Variants in DLC1 observed in about 807,000 individuals in gnomAD.
DLC1 encodes the protein DLC1 Rho GTPase activating protein.
Under a neutral mutation model 140.3 loss-of-function variants are expected in DLC1, and 54 were observed. The ratio of observed to expected loss-of-function variants is 0.38; its 90% CI spans 0.31 to 0.48. The LOEUF is 0.48. DLC1 is among the 20% of genes least tolerant of loss of function. The probability of loss-of-function intolerance (pLI) is 0.96; values close to 1 mark genes in which losing one functional copy is unlikely to be tolerated. For missense variants in DLC1, 2,536 were observed against 1,907.0 expected, an observed-to-expected ratio of 1.33 and a Z score of -6.14; for synonymous variants, 986 against 728.1, an observed-to-expected ratio of 1.35 and a Z score of -5.70.
chr8:13,361,882 G>T (rs7008792), intron 4 of DLC1, among the ~76,000 whole-genome samples: 2 of 152,184 alleles, frequency 1.3e-5, no homozygotes, highest in East Asian at 3.9e-4. Flanking sequence ...GACATTAGGT[G>T]CTGGGCACTG....
intron 1 of DLC1, among the ~76,000 whole-genome samples, chr8:13,564,654 A>G (rs181959207): frequency 6.6e-6 from 1 of 152,188 alleles, no homozygotes; most frequent in African/African-American, 2.4e-5. Context: ...TTCTCCCTCC[A>G]TAGGAAAGGA....
intron 5 of DLC1, 51 bp from the exon 6 acceptor site, chr8:13,115,708 C>T (rs374921864): frequency 6.4e-7 from 1 of 1,555,012 alleles, no homozygotes. Context: ...CCTCGCCATG[C>T]TTATTTTTCC....
intron 5 of DLC1, among the ~76,000 whole-genome samples, chr8:13,195,047 C>G (rs1375103510): frequency 6.6e-6 from 1 of 152,136 alleles, no homozygotes; most frequent in African/African-American, 2.4e-5. Flanking sequence ...AAAAACCAAA[C>G]TCTCCTTTAA....
intron 1 of DLC1, among the ~76,000 whole-genome samples, chr8:13,577,887 T>C (rs980179517): frequency 2.0e-5 from 3 of 152,160 alleles, no homozygotes; most frequent in Non-Finnish European, 2.9e-5. Context: ...TGTTGCTTTA[T>C]TGGATTTAAG....
At chr8:13,469,197 T>C (rs1232026468) in intron 2 of DLC1, among the ~76,000 whole-genome samples, 1 of 152,220 alleles carries the variant, frequency 6.6e-6, no homozygotes, top group Middle Eastern at 3.2e-3. Context: ...TTTATATCAT[T>C]CCTTTTCTAG....
At position 13,553,392 on chromosome 8, in the gene DLC1, C is replaced by A. The variant is rs915748334; in HGVS notation, c.-126+51145G>T. On this transcript the variant is annotated intron_variant, in intron 1 of 1. Transcript: ENST00000631382. ...TGTATTTTTCATCCTGTTTCATCTT[C>A]ATTTCACTGAGTTTCTCATCAGCAT... Among the ~76,000 whole-genome samples the A allele has an allele frequency of 1.2e-4, 18 of 151,390 alleles. 1 individual carries two copies. The highest frequency in any genetic ancestry group is 6.8e-3 in the Middle Eastern group (2 of 292).
chr8:13,291,407 T>G (rs547863410), intron 5 of DLC1, among the ~76,000 whole-genome samples: 24 of 152,222 alleles, frequency 1.6e-4, no homozygotes, highest in Non-Finnish European at 3.4e-4. Context: ...ATATGTAAAT[T>G]TATTTCTGTC....
At chr8:13,560,784 A>T (rs1804213715) in intron 1 of DLC1, among the ~76,000 whole-genome samples, 1 of 151,998 alleles carries the variant, frequency 6.6e-6, no homozygotes, top group Admixed American at 6.6e-5. Flanking sequence ...GGAGGGAAAA[A>T]GGAAATTTGG....
intron 7 of DLC1, among the ~76,000 whole-genome samples, chr8:13,108,998 T>G (rs1819824487): frequency 6.6e-6 from 1 of 152,222 alleles, no homozygotes; most frequent in South Asian, 2.1e-4. Context: ...ATCAGTCATT[T>G]AATTGGACTA....
chr8:13,356,989 G>T (rs1248350092), intron 4 of DLC1, among the ~76,000 whole-genome samples: 1 of 152,112 alleles, frequency 6.6e-6, no homozygotes, highest in Non-Finnish European at 1.5e-5. Flanking sequence ...GTCCTGCCCT[G>T]CTGGCCAGGT....
chr8:13,372,617 ACTGT>A (rs1177750774), intron 4 of DLC1, among the ~76,000 whole-genome samples: 1 of 152,168 alleles, frequency 6.6e-6, no homozygotes, highest in Non-Finnish European at 1.5e-5. Context: ...CAGTTCATGA[ACTGT>A]CTGTCATATT....
intron 8 of DLC1, among the ~76,000 whole-genome samples, chr8:13,102,409 A>G (rs979849255): frequency 1.3e-5 from 2 of 152,202 alleles, no homozygotes; most frequent in African/African-American, 4.8e-5. Context: ...GCTTTGAAGC[A>G]CAGTTATTGT....
intron 2 of DLC1, among the ~76,000 whole-genome samples, chr8:13,475,573 A>G (rs775890240): frequency 3.3e-5 from 5 of 152,248 alleles, no homozygotes; most frequent in Non-Finnish European, 5.9e-5. Flanking sequence ...GAAAATATAG[A>G]TTATAAACAG....
intron 1 of DLC1, among the ~76,000 whole-genome samples, chr8:13,531,236 A>T (rs1202373745): frequency 6.6e-6 from 1 of 152,208 alleles, no homozygotes; most frequent in Admixed American, 6.5e-5. Flanking sequence ...ATAATTTGCT[A>T]TAGCAGCCTG....
At chr8:13,407,619 T>C (rs551338094) in intron 2 of DLC1, among the ~76,000 whole-genome samples, 3 of 152,304 alleles carry the variant, frequency 2.0e-5, no homozygotes, top group African/African-American at 4.8e-5. Flanking sequence ...TTGGCATATA[T>C]AGCATTGCTT....
intron 5 of DLC1, among the ~76,000 whole-genome samples, chr8:13,205,284 G>A (rs1827602597): frequency 6.6e-6 from 1 of 152,158 alleles, no homozygotes; most frequent in Non-Finnish European, 1.5e-5. Flanking sequence ...TGATCCATTG[G>A]AGAAAATATG....
chr8:13,455,546 C>T (rs1799343225), intron 2 of DLC1, among the ~76,000 whole-genome samples: 1 of 152,204 alleles, frequency 6.6e-6, no homozygotes, highest in Admixed American at 6.5e-5. Flanking sequence ...TCTACAGCTC[C>T]TTCACCCCCA....
At chr8:13,109,650 C>T (rs939644040) in intron 7 of DLC1, among the ~76,000 whole-genome samples, 9 of 151,820 alleles carry the variant, frequency 5.9e-5, no homozygotes, top group Admixed American at 2.6e-4. Context: ...TTTGGGAGGC[C>T]GAGGTGGGTG....
At chr8:13,317,935 A>G (rs1832922156) in intron 4 of DLC1, among the ~76,000 whole-genome samples, 1 of 152,222 alleles carries the variant, frequency 6.6e-6, no homozygotes, top group Non-Finnish European at 1.5e-5. Context: ...ACACTTACTT[A>G]GTGGTCACTG....
Sources: gnomAD v4.1 joint callset for allele counts (sites outside exome capture counted in the v4.1 genomes callset) on GRCh38, gnomAD v4.1.1 for gene constraint, MANE v1.5 for transcripts, NCBI Gene and HGNC (gene_info 2026-07-23, HGNC 2026-07-21) for gene names.